Variants in SCAMP1 observed in about 807,000 individuals in gnomAD.
SCAMP1 encodes the protein secretory carrier membrane protein 1.
SCAMP1 carries 15 observed loss-of-function variants against 41.8 expected under a neutral mutation model. That is an observed-to-expected ratio of 0.36 (90% CI 0.24 to 0.55). The LOEUF is 0.55. Ranked by LOEUF, SCAMP1 falls within the 20% of genes least tolerant of loss-of-function variation. SCAMP1 has a pLI of 0.86. For missense variants in SCAMP1, 341 were observed against 412.6 expected (o/e 0.83, Z 1.50); for synonymous variants, 135 against 136.8 (o/e 0.99, Z 0.09).
intron 2 of SCAMP1, among the ~76,000 whole-genome samples, chr5:78,402,929 T>C (rs779908351): frequency 6.6e-6 from 1 of 152,184 alleles, no homozygotes; most frequent in Non-Finnish European, 1.5e-5. Flanking sequence ...TGGAGTGCAG[T>C]GGCTCAATCC....
intron 8 of SCAMP1, among the ~76,000 whole-genome samples, chr5:78,460,795 TCC>T (rs1561287125): frequency 2.8e-4 from 13 of 46,108 alleles, no homozygotes; most frequent in African/African-American, 1.3e-3. Context: ...CTTCCTTCCT[TCC>T]TTCCTTCCTC....
intron 1 of SCAMP1, among the ~76,000 whole-genome samples, chr5:78,376,830 G>A (rs557311625): frequency 1.3e-5 from 2 of 152,064 alleles, no homozygotes; most frequent in African/African-American, 4.8e-5. Flanking sequence ...GGATTTTTTT[G>A]TTTGTTTGTT....
intron 1 of SCAMP1, among the ~76,000 whole-genome samples, chr5:78,376,493 C>A (rs966516206): frequency 6.6e-6 from 1 of 152,106 alleles, no homozygotes; most frequent in Non-Finnish European, 1.5e-5. Context: ...TTATTATTGC[C>A]GGTCTAAAGT....
At chr5:78,373,744 G>T (rs1207042135) in intron 1 of SCAMP1, among the ~76,000 whole-genome samples, 1 of 152,122 alleles carries the variant, frequency 6.6e-6, no homozygotes, top group Non-Finnish European at 1.5e-5. Context: ...TAGCAGGACT[G>T]CCTTTACCTC....
intron 6 of SCAMP1, among the ~76,000 whole-genome samples, chr5:78,423,016 GCACACA>G (rs57059961): frequency 1.8e-3 from 60 of 33,404 alleles, no homozygotes; most frequent in African/African-American, 4.6e-3. Context: ...ACGCGCGCGC[GCACACA>G]CACACACACA....
chr5:78,389,560 C>T (rs192420013), intron 2 of SCAMP1, among the ~76,000 whole-genome samples: 6 of 152,136 alleles, frequency 3.9e-5, no homozygotes, highest in African/African-American at 7.2e-5. Flanking sequence ...TGAGCCGTGG[C>T]GCCTGGCCTC....
chr5:78,363,431 G>C (rs1443681785), intron 1 of SCAMP1, among the ~76,000 whole-genome samples: 1 of 151,810 alleles, frequency 6.6e-6, no homozygotes, highest in Non-Finnish European at 1.5e-5. Context: ...GGATGGTCTC[G>C]ATCTCCTGAC....
intron 2 of SCAMP1, among the ~76,000 whole-genome samples, chr5:78,394,799 C>A (rs1440375705): frequency 6.6e-6 from 1 of 152,182 alleles, no homozygotes; most frequent in Non-Finnish European, 1.5e-5. Flanking sequence ...TGTTGACTTA[C>A]ATCCTAGTAT....
chr5:78,456,988 G>T (rs1233347156), intron 7 of SCAMP1, among the ~76,000 whole-genome samples: 1 of 132,686 alleles, frequency 7.5e-6, no homozygotes, highest in African/African-American at 3.1e-5. Context: ...GGCTCCTGAG[G>T]CTTCTGCATT....
intron 8 of SCAMP1, among the ~76,000 whole-genome samples, chr5:78,472,882 TGG>T (rs1753919070): frequency 6.6e-6 from 1 of 152,114 alleles, no homozygotes; most frequent in East Asian, 1.9e-4. Context: ...CTCACAAACT[TGG>T]GGGAAGAGGG....
Position 78,419,008 on chromosome 5 carries a change from A to T in SCAMP1, c.472+105A>T, listed in dbSNP as rs753689723. On this transcript the variant is annotated intron_variant, in intron 5 of 8. Transcript: ENST00000621999. Reference sequence around the variant, plus strand: ...TATAGCAAACCAGTCTTCTTTTTCTATAGATAAAGCTTAATAATCATGATT... The same window carrying T: ...TATAGCAAACCAGTCTTCTTTTTCTTTAGATAAAGCTTAATAATCATGATT... 1.0e-3 allele frequency: 977 copies of T among 932,004 alleles called. 6 individuals carry two copies. The highest frequency in any genetic ancestry group is 2.9e-3 in the Middle Eastern group (9 of 3,078). The allele number at this position is 932,004 out of a possible 1,614,324, so 57.7% of individuals were successfully genotyped here.
chr5:78,399,061 A>G lies in SCAMP1; in HGVS notation c.135+10147A>G, dbSNP rs554406870. ...TTTTCTACAGTGTCATATAGTTGGA[A>G]TCATACATAATGTAGCCTTTCAGAT... On this transcript the variant is annotated intron_variant, in intron 2 of 8. Transcript: ENST00000621999. 1.4e-3 allele frequency among the ~76,000 whole-genome samples: 211 copies of G among 152,298 alleles called. 1 individual carries two copies. The highest frequency in any genetic ancestry group is 4.8e-3 in the African/African-American group (201 of 41,566).
At chr5:78,409,838 A>G (rs760309989) in intron 2 of SCAMP1, among the ~76,000 whole-genome samples, 27 of 152,202 alleles carry the variant, frequency 1.8e-4, no homozygotes, top group Non-Finnish European at 3.4e-4. Context: ...ATTTATAGCA[A>G]GGTTTCAGCT....
At chr5:78,394,331 C>CTT (rs200889548) in intron 2 of SCAMP1, among the ~76,000 whole-genome samples, 69 of 151,490 alleles carry the variant, frequency 4.6e-4, no homozygotes, top group Non-Finnish European at 3.2e-4. Context: ...CTTCGAAAAT[C>CTT]TTTTTTTTAT....
chr5:78,451,121 G>GA lies in SCAMP1; in HGVS notation c.734+1091dup, dbSNP rs200779353. On this transcript the variant is annotated intron_variant, in intron 7 of 8. Coordinates refer to ENST00000621999, the MANE Select transcript of SCAMP1 (RefSeq NM_004866.6). ...TTTCGCTTTTTAGCACAGACATAGGGAAAATGCTAAAATTGAGCATAACAG... is the reference window on the plus strand; with the variant it reads ...TTTCGCTTTTTAGCACAGACATAGGGAAAAATGCTAAAATTGAGCATAACAG... Among the ~76,000 whole-genome samples, 192 of 152,180 alleles carry GA rather than the reference G, an allele frequency of 1.3e-3. 5 individuals are homozygous for GA. In the East Asian group the frequency reaches 0.031, roughly 24 times the overall value.
chr5:78,398,611 T>G (rs1393687874), intron 2 of SCAMP1, among the ~76,000 whole-genome samples: 2 of 144,374 alleles, frequency 1.4e-5, no homozygotes, highest in Non-Finnish European at 3.0e-5. Flanking sequence ...GAGTGCGATC[T>G]TGGCTCACTG....
rs950159191 is a variant in SCAMP1 at position 78,476,560 on chromosome 5, A to G, written c.*892A>G. 1 of 152,542 alleles carries G rather than the reference A, an allele frequency of 6.6e-6. No individual in the cohort carries two copies. The highest frequency in any genetic ancestry group is 1.5e-5 in the Non-Finnish European group (1 of 67,976). The allele number at this position is 152,542 out of a possible 1,614,324, so 9.4% of individuals were successfully genotyped here. ...TTGGTATATTCTGTGGTTACAACTAAGATTGTGTCTGGCAGCTCTTTTTTG... is the reference window on the plus strand; with the variant it reads ...TTGGTATATTCTGTGGTTACAACTAGGATTGTGTCTGGCAGCTCTTTTTTG... On this transcript the variant is annotated 3_prime_UTR_variant, in exon 9 of 9. Transcript: ENST00000621999.
chr5:78,439,343 T>C (rs566211967), intron 6 of SCAMP1, among the ~76,000 whole-genome samples: 100 of 152,340 alleles, frequency 6.6e-4, no homozygotes, highest in African/African-American at 2.3e-3. Flanking sequence ...GTTTTTGCAG[T>C]GGCTGGTACT....
chr5:78,458,718 A>G (rs1241493726), intron 7 of SCAMP1, among the ~76,000 whole-genome samples: 2 of 152,162 alleles, frequency 1.3e-5, no homozygotes, highest in East Asian at 1.9e-4. Flanking sequence ...CGTCTCTACT[A>G]AAGATACAAA....
Sources: allele counts gnomAD v4.1 joint callset (sites outside exome capture counted in the v4.1 genomes callset), GRCh38; gene constraint gnomAD v4.1.1; transcripts MANE v1.5; gene names NCBI Gene and HGNC (gene_info 2026-07-23, HGNC 2026-07-21).